RBM27: variants seen among roughly 807,000 people sequenced by gnomAD.
The protein encoded by RBM27 is RNA-binding protein 27.
Under a neutral mutation model 135.3 loss-of-function variants are expected in RBM27, and 22 were observed. The ratio of observed to expected loss-of-function variants is 0.16; its 90% CI spans 0.12 to 0.23. The LOEUF (loss-of-function observed/expected upper bound fraction) is 0.23. Among genes scored for constraint, RBM27 ranks in the 10% least tolerant of loss-of-function variants. The probability of loss-of-function intolerance (pLI) is 1.00; values close to 1 mark genes in which losing one functional copy is unlikely to be tolerated. For missense variants in RBM27, 1,009 were observed against 1,281.0 expected, an observed-to-expected ratio of 0.79 and a Z score of 3.24; for synonymous variants, 481 against 442.4, an observed-to-expected ratio of 1.09 and a Z score of -1.10.
At chr5:146,281,827 C>T (rs756889998) in intron 19 of RBM27, among the ~76,000 whole-genome samples, 10 of 152,098 alleles carry the variant, frequency 6.6e-5, no homozygotes, top group Non-Finnish European at 7.4e-5. Context: ...GAGTAGTATT[C>T]TGCCTGTTTT....
In RBM27 at chr5:146,203,668, G is replaced by A; in HGVS notation, c.-98G>A. 8.8e-7 allele frequency: 1 copy of A among 1,138,914 alleles called. No homozygotes were observed. Among genetic ancestry groups the A allele is most frequent in the Non-Finnish European group, 1.3e-6 (1 of 779,238 alleles). 70.6% of individuals were successfully genotyped at this position (1,138,914 alleles called of 1,614,324 possible). A position where few individuals can be genotyped will look rare whatever the true frequency, so the allele number is the denominator to read the frequency against. ...TCTCCTAAGATGCCCGGTGGGCTGG[G>A]GCACCGGGAGCTGTGAAGGGAACGT... On this transcript the variant is annotated 5_prime_UTR_variant, in exon 1 of 21. Transcript: ENST00000265271.
At chr5:146,269,987 C>T (rs1198006344) in intron 17 of RBM27, among the ~76,000 whole-genome samples, 2 of 152,054 alleles carry the variant, frequency 1.3e-5, no homozygotes, top group Non-Finnish European at 2.9e-5. Context: ...TTTTGGTTCT[C>T]TGCTGAAGAT....
intron 20 of RBM27, 39 bp from the exon 21 acceptor site, chr5:146,285,908 C>G: frequency 6.7e-7 from 1 of 1,493,308 alleles, no homozygotes. Flanking sequence ...ACTTACCATT[C>G]TTGTGCCACT....
chr5:146,261,485 T>C (rs1239572723), intron 12 of RBM27, 25 bp from the exon 13 acceptor site: 2 of 1,585,242 alleles, frequency 1.3e-6, no homozygotes, highest in South Asian at 2.2e-5. Flanking sequence ...TTTTTGGGAA[T>C]TTATATTGTT....
intron 19 of RBM27, among the ~76,000 whole-genome samples, chr5:146,274,307 A>G (rs1454440950): frequency 1.3e-5 from 2 of 150,052 alleles, no homozygotes; most frequent in South Asian, 2.1e-4. Flanking sequence ...CCCAGGCTGG[A>G]GTGTAGTGGC....
At chr5:146,275,251 T>G (rs1759044861) in intron 19 of RBM27, among the ~76,000 whole-genome samples, 1 of 151,658 alleles carries the variant, frequency 6.6e-6, no homozygotes, top group South Asian at 2.1e-4. Flanking sequence ...AGAAAGAACT[T>G]TTTAATTTTA....
In RBM27 at chr5:146,210,674, A is replaced by C. The variant is rs139848555; in HGVS notation, c.59+6850A>C. 4.9e-3 allele frequency among the ~76,000 whole-genome samples: 740 copies of C among 152,242 alleles called. 6 individuals carry two copies. Among genetic ancestry groups the C allele is most frequent in the African/African-American group, 0.017 (709 of 41,552 alleles). On this transcript the variant is annotated intron_variant, in intron 1 of 20. Coordinates refer to ENST00000265271, the MANE Select transcript of RBM27 (RefSeq NM_018989.2). ...AATACATTTCTGTTTATAGCCGGGC[A>C]CGGTGGCTCATGCCTGTAATCCCAG...
chr5:146,275,026 T>G (rs1487442143), intron 19 of RBM27, among the ~76,000 whole-genome samples: 1 of 151,560 alleles, frequency 6.6e-6, no homozygotes, highest in Non-Finnish European at 1.5e-5. Flanking sequence ...GATGAACATA[T>G]TTTTCTTTTA....
At chr5:146,284,840 G>A in intron 20 of RBM27, 108 bp downstream of exon 20, 1 of 657,214 alleles carries the variant, frequency 1.5e-6, no homozygotes, top group Non-Finnish European at 2.6e-6. Context: ...TTTCTTTCAT[G>A]CATGCAAATT....
chr5:146,267,296 T>A (rs930448843), intron 14 of RBM27, among the ~76,000 whole-genome samples: 1 of 152,176 alleles, frequency 6.6e-6, no homozygotes, highest in African/African-American at 2.4e-5. Flanking sequence ...GATAAACAGA[T>A]GTTTAGTCAT....
chr5:146,246,447 A>G (rs1231395055), intron 8 of RBM27, among the ~76,000 whole-genome samples: 1 of 152,194 alleles, frequency 6.6e-6, no homozygotes, highest in Non-Finnish European at 1.5e-5. Flanking sequence ...CTCTGACCAA[A>G]ACTAAACTGA....
chr5:146,245,735 G>A (rs1372121300), intron 8 of RBM27, among the ~76,000 whole-genome samples: 1 of 152,102 alleles, frequency 6.6e-6, no homozygotes, highest in Non-Finnish European at 1.5e-5. Context: ...ATTATCATAG[G>A]AGACTCAACG....
At chr5:146,260,344 A>G (rs990684423) in intron 11 of RBM27, among the ~76,000 whole-genome samples, 1 of 152,116 alleles carries the variant, frequency 6.6e-6, no homozygotes, top group African/African-American at 2.4e-5. Context: ...TAATTTCCGA[A>G]GAATGTTAAG....
intron 2 of RBM27, among the ~76,000 whole-genome samples, chr5:146,221,209 A>G (rs975757074): frequency 7.9e-5 from 12 of 152,182 alleles, no homozygotes; most frequent in Non-Finnish European, 1.5e-4. Flanking sequence ...TAGGTAATAT[A>G]TATGAGAAGG....
chr5:146,278,147 T>A (rs1192213497), intron 19 of RBM27, among the ~76,000 whole-genome samples: 1 of 152,162 alleles, frequency 6.6e-6, no homozygotes, highest in Non-Finnish European at 1.5e-5. Flanking sequence ...TTGAATTTTG[T>A]TTTTTTATCT....
chr5:146,244,901 T>G (rs1757556217), intron 8 of RBM27, among the ~76,000 whole-genome samples: 1 of 151,884 alleles, frequency 6.6e-6, no homozygotes, highest in African/African-American at 2.4e-5. Context: ...AGAAATAGGG[T>G]CTTGCTCTGT....
intron 10 of RBM27, among the ~76,000 whole-genome samples, chr5:146,256,213 TTAA>T (rs1167552455): frequency 6.7e-6 from 1 of 149,902 alleles, no homozygotes; most frequent in African/African-American, 2.4e-5. Context: ...TTTCCTGCTG[TTAA>T]TAACACTATT....
chr5:146,288,092 G>T lies in RBM27; in HGVS notation c.*2062G>T, dbSNP rs752734936. 1 of 151,430 alleles carries T rather than the reference G, an allele frequency of 6.6e-6. No individual in the cohort carries two copies. The allele number at this position is 151,430 out of a possible 1,614,324, so 9.4% of individuals were successfully genotyped here. ...TTTTTTGTGTACTAAAACTACCAGC[G>T]TATAGATTTCAATAAGAATTGTTGT... is the stretch of plus-strand genomic sequence containing the variant. On this transcript the variant is annotated 3_prime_UTR_variant, in exon 21 of 21. Transcript: ENST00000265271.
In RBM27 at chr5:146,233,678, G is replaced by A; in HGVS notation, c.1079G>A (p.Ser360Asn). 1.3e-6 allele frequency: 2 copies of A among 1,525,674 alleles called. No individual in the cohort carries two copies. The highest frequency in any genetic ancestry group is 1.3e-5 in the South Asian group (1 of 77,424). 94.5% of individuals were successfully genotyped at this position (1,525,674 alleles called of 1,614,324 possible). Reference protein sequence around the residue: ...GPGPGPGPGHSMRLPVPQGHG... With the variant: ...GPGPGPGPGHNMRLPVPQGHG... Reference sequence around the variant, plus strand: ...GGCCCAGGTCCAGGTCCTGGCCATAGTATGAGACTTCCTGTTCCCCAAGGA... The same window carrying A: ...GGCCCAGGTCCAGGTCCTGGCCATAATATGAGACTTCCTGTTCCCCAAGGA... The change falls in exon 7 of 21, where the codon AGT (serine) becomes AAT (asparagine). Residue 360 changes from serine (S) to asparagine (N), a missense_variant. By Grantham distance (46) the Ser-to-Asn change is conservative. Transcript: ENST00000265271.
Sources: allele counts gnomAD v4.1 joint callset (sites outside exome capture counted in the v4.1 genomes callset), GRCh38; gene constraint gnomAD v4.1.1; transcripts MANE v1.5; gene names NCBI Gene and HGNC (gene_info 2026-07-23, HGNC 2026-07-21).